TASOR: variants seen among roughly 807,000 people sequenced by gnomAD.
TASOR encodes the protein protein TASOR.
Under a neutral mutation model 178.6 loss-of-function variants are expected in TASOR, and 53 were observed. The observed-to-expected ratio is 0.30, with a 90% CI of 0.24 to 0.37. The LOEUF (loss-of-function observed/expected upper bound fraction) is 0.37. Among genes scored for constraint, TASOR ranks in the 10% least tolerant of loss-of-function variants. The pLI, the probability that TASOR is intolerant of heterozygous loss-of-function variation, is 1.00. For missense variants in TASOR, 1,815 were observed against 1,971.4 expected, an observed-to-expected ratio of 0.92 and a Z score of 1.50; for synonymous variants, 713 against 696.2, an observed-to-expected ratio of 1.02 and a Z score of -0.38.
chr3:56,630,376 G>A (rs1307910558), intron 18 of TASOR, among the ~76,000 whole-genome samples: 2 of 152,068 alleles, frequency 1.3e-5, no homozygotes, highest in East Asian at 3.8e-4. Flanking sequence ...TATTTTTGCT[G>A]GAATATTTCC....
chr3:56,633,024 T>C lies in TASOR; in HGVS notation c.3747+20A>G. The C allele has an allele frequency of 6.6e-7, 1 of 1,522,878 alleles. No individual in the cohort carries two copies. Among genetic ancestry groups the C allele is most frequent in the South Asian group, 1.3e-5 (1 of 76,400 alleles). The allele number at this position is 1,522,878 out of a possible 1,614,324, so 94.3% of individuals were successfully genotyped here. A position where few individuals can be genotyped will look rare whatever the true frequency, so the allele number is the denominator to read the frequency against. On this transcript the variant is annotated intron_variant, in intron 18 of 23. Coordinates refer to ENST00000683822, the MANE Select transcript of TASOR (RefSeq NM_001365635.2). The stretch of plus-strand genomic sequence containing the variant: ...AAGAGAAGTTTGTACAGCATTACTA[T>C]TACCTTCTGGTTTAGTTACCTTTAT...
At chr3:56,637,249 G>A (rs1208533818) in intron 17 of TASOR, among the ~76,000 whole-genome samples, 3 of 152,190 alleles carry the variant, frequency 2.0e-5, no homozygotes, top group Admixed American at 6.5e-5. Flanking sequence ...ATGTACATAT[G>A]TAAAATTTCA....
chr3:56,675,805 C>T (rs1427153972), intron 1 of TASOR, among the ~76,000 whole-genome samples: 6 of 152,250 alleles, frequency 3.9e-5, no homozygotes, highest in Admixed American at 6.5e-5. Flanking sequence ...ACAGATGCAG[C>T]GAACCGTTAT....
At chr3:56,674,088 T>C (rs1027735127) in intron 1 of TASOR, among the ~76,000 whole-genome samples, 4 of 151,798 alleles carry the variant, frequency 2.6e-5, no homozygotes, top group African/African-American at 9.7e-5. Context: ...GAAGTATGTC[T>C]CAGACTGTGT....
At chr3:56,655,288 A>G (rs1432240185) in intron 11 of TASOR, among the ~76,000 whole-genome samples, 1 of 152,188 alleles carries the variant, frequency 6.6e-6, no homozygotes, top group Non-Finnish European at 1.5e-5. Flanking sequence ...GCACATTAAC[A>G]TGGAAAAAGA....
intron 18 of TASOR, among the ~76,000 whole-genome samples, chr3:56,629,614 G>A (rs897165731): frequency 6.6e-6 from 1 of 152,162 alleles, no homozygotes; most frequent in Non-Finnish European, 1.5e-5. Context: ...ACATGGTACT[G>A]CCTTTCACAG....
rs146892187 is a variant in TASOR at position 56,621,592 on chromosome 3, G to C, written c.*1445C>G. 1.4e-5 allele frequency: 23 copies of C among 1,598,968 alleles called. No individual in the cohort carries two copies. In the East Asian group the frequency reaches 4.5e-4, roughly 31 times the overall value. On this transcript the variant is annotated 3_prime_UTR_variant, in exon 24 of 24. Transcript: ENST00000683822. The stretch of plus-strand genomic sequence containing the variant: ...TCTCCTGCCTTTAGCTGAAAATCAA[G>C]AAGAGAGTTTTGGTTCTTCATTTTA...
chr3:56,661,415 C>A (rs2077592745), intron 9 of TASOR, among the ~76,000 whole-genome samples: 1 of 152,160 alleles, frequency 6.6e-6, no homozygotes, highest in South Asian at 2.1e-4. Flanking sequence ...CTCAGCCTCC[C>A]AAAGTGTTGG....
chr3:56,659,505 A>G (rs778471842), intron 11 of TASOR, among the ~76,000 whole-genome samples: 11 of 152,198 alleles, frequency 7.2e-5, no homozygotes, highest in Non-Finnish European at 1.3e-4. Context: ...GATATGCTTC[A>G]GTATTAAATT....
chr3:56,676,737 C>T (rs1013369193), intron 1 of TASOR, among the ~76,000 whole-genome samples: 1 of 152,108 alleles, frequency 6.6e-6, no homozygotes, highest in Admixed American at 6.6e-5. Context: ...TTAATCTAAT[C>T]GTAAGTAAAA....
At chr3:56,636,813 A>C (rs1267182456) in intron 17 of TASOR, among the ~76,000 whole-genome samples, 1 of 152,186 alleles carries the variant, frequency 6.6e-6, no homozygotes, top group East Asian at 1.9e-4. Context: ...TTAGCTTACA[A>C]AATATAAAGA....
chr3:56,677,869 A>G (rs1349406988), intron 1 of TASOR, among the ~76,000 whole-genome samples: 1 of 152,222 alleles, frequency 6.6e-6, no homozygotes, highest in Admixed American at 6.5e-5. Flanking sequence ...GGTTAACAGC[A>G]GTAGCAATAG....
Position 56,621,335 on chromosome 3 carries a change from A to C in TASOR, c.*1702T>G, listed in dbSNP as rs11716494. The C allele has an allele frequency of 1.2e-4, 48 of 392,254 alleles. No homozygotes were observed. The highest frequency in any genetic ancestry group is 1.9e-4 in the Non-Finnish European group (41 of 219,074). 24.3% of individuals were successfully genotyped at this position (392,254 alleles called of 1,614,324 possible). A position where few individuals can be genotyped will look rare whatever the true frequency, so the allele number is the denominator to read the frequency against. On this transcript the variant is annotated 3_prime_UTR_variant, in exon 24 of 24. Coordinates refer to ENST00000683822, the MANE Select transcript of TASOR (RefSeq NM_001365635.2). The stretch of plus-strand genomic sequence containing the variant: ...TTCATCCCTATTGATTTTTATGCTA[A>C]AAACAGAATCTTACAAATGTGATAG...
At chr3:56,627,772 A>G in intron 19 of TASOR, 31 bp from the exon 20 acceptor site, 2 of 1,602,602 alleles carry the variant, frequency 1.2e-6, no homozygotes, top group South Asian at 2.2e-5. Context: ...AAAGAGAAAC[A>G]GATGGAGGGA....
chr3:56,644,605 G>A (rs2077196858), intron 14 of TASOR, among the ~76,000 whole-genome samples: 1 of 152,118 alleles, frequency 6.6e-6, no homozygotes, highest in Admixed American at 6.6e-5. Context: ...CTATAACAAA[G>A]CCTTAAAAAG....
At chr3:56,680,197 G>C (rs1265755341) in intron 1 of TASOR, among the ~76,000 whole-genome samples, 1 of 152,116 alleles carries the variant, frequency 6.6e-6, no homozygotes, top group Non-Finnish European at 1.5e-5. Flanking sequence ...TTAGCTGTGT[G>C]ACCTGAAGCA....
At position 56,646,638 on chromosome 3, in the gene TASOR, T is replaced by C. The variant is rs1272385007; in HGVS notation, c.2099A>G (p.Asp700Gly). The C allele has an allele frequency of 1.2e-6, 2 of 1,613,656 alleles. No homozygotes were observed. The highest frequency in any genetic ancestry group is 4.5e-5 in the East Asian group (2 of 44,872). ...CRKKSVGGDSDTEDMRSKTVL... is the reference protein window; with the variant it reads ...CRKKSVGGDSGTEDMRSKTVL... Reference sequence around the variant, plus strand: ...AGTTTTGCTTCTCATATCTTCTGTGTCTGAGTCCCCACCCACACTCTTTTT... The same window carrying C: ...AGTTTTGCTTCTCATATCTTCTGTGCCTGAGTCCCCACCCACACTCTTTTT... The change falls in exon 14 of 24, where the codon GAC (aspartate) becomes GGC (glycine). Residue 700 changes from aspartate (D) to glycine (G), a missense_variant. Physicochemically the swap from Asp to Gly is moderately conservative, Grantham distance 94 (BLOSUM62 -1). This residue lies in a region of TASOR where 504 missense variants were observed against 645.3 expected (regional missense o/e 0.78). Transcript: ENST00000683822.
rs2077297375 is a variant in TASOR, at chr3:56,649,136, TA to T, written c.1369-80del. 5 of 1,054,508 alleles carry T rather than the reference TA, an allele frequency of 4.7e-6. No homozygotes were observed. In the South Asian group the frequency reaches 1.0e-4, roughly 21 times the overall value. The allele number at this position is 1,054,508 out of a possible 1,614,324, so 65.3% of individuals were successfully genotyped here. A position where few individuals can be genotyped will look rare whatever the true frequency, so the allele number is the denominator to read the frequency against. On this transcript the variant is annotated intron_variant, in intron 11 of 23. Coordinates refer to ENST00000683822, the MANE Select transcript of TASOR (RefSeq NM_001365635.2). Reference sequence around the variant, plus strand: ...AAGGCAGACACACAGCATTTTCTACTAATTGTAAAGAAAAAAAGTTCTTAAT... The same window carrying T: ...AAGGCAGACACACAGCATTTTCTACTATTGTAAAGAAAAAAAGTTCTTAAT...
At chr3:56,677,400 T>C (rs2031397072) in intron 1 of TASOR, among the ~76,000 whole-genome samples, 1 of 152,204 alleles carries the variant, frequency 6.6e-6, no homozygotes, top group Admixed American at 6.6e-5. Context: ...CCACCTTCAA[T>C]ACTGTACTAA....
Sources: allele counts gnomAD v4.1 joint callset (sites outside exome capture counted in the v4.1 genomes callset), GRCh38; gene constraint gnomAD v4.1.1; regional missense constraint gnomAD v4.1.1; transcripts MANE v1.5; gene names NCBI Gene and HGNC (gene_info 2026-07-23, HGNC 2026-07-21).